BIVM: variants seen among roughly 807,000 people sequenced by gnomAD.
The protein encoded by BIVM is basic immunoglobulin-like variable motif-containing protein.
BIVM carries 31 observed loss-of-function variants against 61.4 expected under a neutral mutation model. The observed-to-expected ratio is 0.51, with a 90% CI of 0.38 to 0.68. The LOEUF is 0.68. Ranked by LOEUF, BIVM falls within the 30% of genes least tolerant of loss-of-function variation. The pLI is 0.00. For synonymous variants in BIVM, 189 were observed against 210.7 expected, an observed-to-expected ratio of 0.90 and a Z score of 0.89; for missense variants, 526 against 596.0, an observed-to-expected ratio of 0.88 and a Z score of 1.22.
chr13:102,838,866 G>A, intron 10 of BIVM, 127 bp downstream of exon 10: 1 of 895,186 alleles, frequency 1.1e-6, no homozygotes, highest in Non-Finnish European at 1.6e-6. Context: ...ATTATTTTAA[G>A]GACACACGGC....
Position 102,840,719 on chromosome 13 carries a change from T to A in BIVM, c.*854T>A, listed in dbSNP as rs1259522984. The A allele has an allele frequency of 6.6e-6, 1 of 151,824 alleles. No individual in the cohort carries two copies. The highest frequency in any genetic ancestry group is 1.9e-4 in the East Asian group (1 of 5,182). The allele number at this position is 151,824 out of a possible 1,614,324, so 9.4% of individuals were successfully genotyped here. A position where few individuals can be genotyped will look rare whatever the true frequency, so the allele number is the denominator to read the frequency against. ...AAAAAAAAAAAGACGGATCCTTTTT[T>A]TTGGTGCAAATGGGTGACTTAGTGC... is the stretch of plus-strand genomic sequence containing the variant. On this transcript the variant is annotated 3_prime_UTR_variant, in exon 11 of 11. Transcript: ENST00000257336.
Position 102,839,759 on chromosome 13 carries a change from T to TCCCA in BIVM, c.1407_1408insCCAC (p.Ser470ProfsTer4), listed in dbSNP as rs1393501550. 1 of 1,614,056 alleles carries TCCCA rather than the reference T, an allele frequency of 6.2e-7. No homozygotes were observed. Among genetic ancestry groups the TCCCA allele is most frequent in the African/African-American group, 1.3e-5 (1 of 74,914 alleles). On this transcript the variant is annotated frameshift_variant, in exon 11 of 11. Coordinates refer to ENST00000257336, the MANE Select transcript of BIVM (RefSeq NM_017693.4). LOFTEE classifies it high-confidence loss of function. ...CAGCATGGGCGTCTGGGCCGGTCTT[T>TCCCA]CAGTGCTAGTTTCCATCAGGACTCG... is the stretch of plus-strand genomic sequence containing the variant.
chr13:102,810,540 T>C (rs1879427720), intron 3 of BIVM, among the ~76,000 whole-genome samples: 1 of 152,254 alleles, frequency 6.6e-6, no homozygotes, highest in African/African-American at 2.4e-5. Flanking sequence ...TTGTTATTTA[T>C]ATGTAAACAC....
At chr13:102,828,430 C>T (rs746230843) in intron 7 of BIVM, among the ~76,000 whole-genome samples, 7 of 152,186 alleles carry the variant, frequency 4.6e-5, no homozygotes, top group South Asian at 2.1e-4. Context: ...AGAGAAGACC[C>T]GTCTCTGGCC....
intron 1 of BIVM, chr13:102,800,485 C>G (rs1490820325): frequency 1.3e-5 from 2 of 152,218 alleles, no homozygotes; most frequent in Non-Finnish European, 2.9e-5. Flanking sequence ...GGGCAGGGAG[C>G]GCAGCCGCGC....
intron 4 of BIVM, among the ~76,000 whole-genome samples, chr13:102,817,772 G>A (rs1319056691): frequency 6.6e-6 from 1 of 151,518 alleles, no homozygotes; most frequent in Non-Finnish European, 1.5e-5. Flanking sequence ...TTAAAATACA[G>A]TTCCTAGTCT....
intron 9 of BIVM, among the ~76,000 whole-genome samples, chr13:102,836,932 T>G (rs1566457375): frequency 6.6e-6 from 1 of 152,200 alleles, no homozygotes; most frequent in Non-Finnish European, 1.5e-5. Context: ...TCCATAAAAA[T>G]TTTAGAATTT....
At chr13:102,822,596 G>T (rs1880373808) in intron 7 of BIVM, among the ~76,000 whole-genome samples, 1 of 152,162 alleles carries the variant, frequency 6.6e-6, no homozygotes, top group Non-Finnish European at 1.5e-5. Flanking sequence ...ACATATAATG[G>T]CAGGAAAATA....
At position 102,834,571 on chromosome 13, in the gene BIVM, A is replaced by T; in HGVS notation, c.1121+19A>T. The T allele has an allele frequency of 6.4e-7, 1 of 1,560,190 alleles. No homozygotes were observed. On this transcript the variant is annotated intron_variant, in intron 9 of 10. Transcript: ENST00000257336. ...GTAAAAAGTATGTTAACTTCCCTTT[A>T]TTTTCTTTAATTGAGGTAACATTTA...
At chr13:102,825,147 A>T (rs183950954) in intron 7 of BIVM, among the ~76,000 whole-genome samples, 10 of 152,034 alleles carry the variant, frequency 6.6e-5, no homozygotes, top group Admixed American at 3.3e-4. Context: ...GGGTTTCACC[A>T]TGTTAGCCAG....
intron 7 of BIVM, among the ~76,000 whole-genome samples, chr13:102,830,941 A>G (rs541543474): frequency 6.6e-6 from 1 of 152,264 alleles, no homozygotes; most frequent in African/African-American, 2.4e-5. Context: ...GGCCAGCTGG[A>G]GATTCTCCAG....
intron 7 of BIVM, among the ~76,000 whole-genome samples, chr13:102,827,431 T>TA (rs1233589868): frequency 7.6e-6 from 1 of 131,572 alleles, no homozygotes; most frequent in Non-Finnish European, 1.6e-5. Flanking sequence ...TTTTAATATA[T>TA]TTTTCAAGTT....
At chr13:102,810,063 C>T (rs898804674) in intron 3 of BIVM, among the ~76,000 whole-genome samples, 3 of 152,028 alleles carry the variant, frequency 2.0e-5, no homozygotes, top group African/African-American at 7.2e-5. Flanking sequence ...GTGAGCCACC[C>T]CGCCCAGCCC....
At chr13:102,824,121 T>C (rs563565344) in intron 7 of BIVM, among the ~76,000 whole-genome samples, 16 of 152,334 alleles carry the variant, frequency 1.1e-4, no homozygotes, top group African/African-American at 3.8e-4. Flanking sequence ...GTCAGTTGTG[T>C]TCATTAAAAG....
intron 4 of BIVM, among the ~76,000 whole-genome samples, chr13:102,817,934 G>A (rs1356820778): frequency 6.6e-6 from 1 of 152,152 alleles, no homozygotes. Context: ...AAACAGAGAT[G>A]CACACAACAT....
chr13:102,807,751 G>A lies in BIVM; in HGVS notation c.478+6G>A, dbSNP rs779670434. 6.3e-7 allele frequency: 1 copy of A among 1,599,608 alleles called. No homozygotes were observed. Among genetic ancestry groups the A allele is most frequent in the South Asian group, 1.1e-5 (1 of 89,110 alleles). On this transcript the variant is annotated splice_donor_region_variant and intron_variant, in intron 3 of 10. Coordinates refer to ENST00000257336, the MANE Select transcript of BIVM (RefSeq NM_017693.4). The surrounding 1 kb of genome is among the most constrained non-coding windows in gnomAD (Gnocchi z 4.0). ...AAATTCGAAACACAAATCAGGTAAG[G>A]AGGGAGCCATGAAGTTCATATGTGA...
In BIVM at chr13:102,807,599, G is replaced by A; in HGVS notation, c.332G>A (p.Gly111Asp). Residue 111 changes from glycine to aspartate, a missense_variant, in exon 3 of 11, where the codon GGT becomes GAT. By Grantham distance (94) the Gly-to-Asp change is moderately conservative (BLOSUM62 -1). This residue lies in a region of BIVM where 312 missense variants were observed against 343.8 expected (regional missense o/e 0.91). Coordinates refer to ENST00000257336, the MANE Select transcript of BIVM (RefSeq NM_017693.4). This position sits in a 1 kb window ranked among gnomAD's most constrained non-coding sequence, Gnocchi z 4.0. ...GGAAATAATTCATCAAGATACATTGGTATCCCGACTAGTACATCGGAAATT... is the reference window on the plus strand; with the variant it reads ...GGAAATAATTCATCAAGATACATTGATATCCCGACTAGTACATCGGAAATT... ...SAGNNSSRYIGIPTSTSEIIY... is the reference protein window; with the variant it reads ...SAGNNSSRYIDIPTSTSEIIY... 2 of 1,614,076 alleles carry A rather than the reference G, an allele frequency of 1.2e-6. No homozygotes were observed. Among genetic ancestry groups the A allele is most frequent in the Non-Finnish European group, 1.7e-6 (2 of 1,180,032 alleles).
At chr13:102,835,007 C>A (rs1256275911) in intron 9 of BIVM, among the ~76,000 whole-genome samples, 1 of 152,088 alleles carries the variant, frequency 6.6e-6, no homozygotes, top group Non-Finnish European at 1.5e-5. Context: ...GTCAATGAAG[C>A]TCTTGGGAAC....
chr13:102,799,656 AT>A (rs1338472395), intron 1 of BIVM, 135 bp downstream of exon 1: 1 of 152,182 alleles, frequency 6.6e-6, no homozygotes, highest in Non-Finnish European at 1.5e-5. Context: ...GGCATTCAAA[AT>A]TTTTACTTAA....
Sources: allele counts gnomAD v4.1 joint callset (sites outside exome capture counted in the v4.1 genomes callset), GRCh38; gene constraint gnomAD v4.1.1; regional missense constraint gnomAD v4.1.1; non-coding constraint Gnocchi (gnomAD v3.1); transcripts MANE v1.5; gene names NCBI Gene and HGNC (gene_info 2026-07-23, HGNC 2026-07-21).